The following DST variants were observed in gnomAD, a reference collection of about 807,000 sequenced individuals.
DST encodes bullous pemphigoid antigen.
In DST, 253 loss-of-function variants were observed where a neutral mutation model predicts 875.2. That is an observed-to-expected ratio of 0.29 (90% confidence interval 0.26 to 0.32). DST has a LOEUF of 0.32. DST is among the 10% of genes least tolerant of loss of function. DST has a pLI of 1.00. For missense variants in DST, 8,287 were observed against 9,111.6 expected, an observed-to-expected ratio of 0.91 and a Z score of 3.68; for synonymous variants, 3,124 against 3,197.1, an observed-to-expected ratio of 0.98 and a Z score of 0.77.
At chr6:56,879,442 C>G (rs13199233) in intron 3 of DST, among the ~76,000 whole-genome samples, 39,887 of 151,446 alleles carry the variant, frequency 0.26, 6,306 homozygotes, top group African/African-American at 0.45. Flanking sequence ...CTGCACTCCA[C>G]CCTGGGAGAC....
intron 31 of DST, 73 bp from the exon 32 acceptor site, chr6:56,629,516 T>G: frequency 8.8e-7 from 1 of 1,138,690 alleles, no homozygotes; most frequent in Non-Finnish European, 1.3e-6. Flanking sequence ...TTTACCTAAT[T>G]TTACAATTTA....
intron 61 of DST, among the ~76,000 whole-genome samples, chr6:56,550,148 A>G (rs1008566410): frequency 3.3e-5 from 5 of 152,212 alleles, no homozygotes; most frequent in Admixed American, 2.0e-4. Flanking sequence ...AAATGGAATT[A>G]GTGGTTGTGT....
In DST at chr6:56,609,053, G is replaced by A; in HGVS notation, c.5575C>T (p.Leu1859=). The A allele has an allele frequency of 6.2e-7, 1 of 1,613,852 alleles. No homozygotes were observed. ...SPTTIPVLDA[L]AQSMITESMA... is the part of the protein sequence containing the mutation. ...GATTCTGTTATCATGCTTTGAGCTA[G>A]AGCATCCAGTACTGGAATTGTGGTA... The change falls in exon 40 of 104, where the codon CTA becomes TTA. Residue 1859 remains leucine (L), a synonymous_variant. Coordinates refer to ENST00000680361, the MANE Select transcript of DST (RefSeq NM_001374736.1).
Position 56,868,515 on chromosome 6 carries a change from A to C in DST, c.418-16911T>G, listed in dbSNP as rs1775357420. Among the ~76,000 whole-genome samples, 3 of 152,344 alleles carry C rather than the reference A, an allele frequency of 2.0e-5. No homozygotes were observed. In the East Asian group the frequency reaches 5.8e-4, roughly 29 times the overall value. ...ATATTGTGTATTGAGTAGCACATGT[A>C]AGAAAACAGAAAATACCCTCTCCCA... On this transcript the variant is annotated intron_variant, in intron 3 of 103. Coordinates refer to ENST00000680361, the MANE Select transcript of DST (RefSeq NM_001374736.1).
At chr6:56,892,352 C>G (rs1788002593) in intron 3 of DST, among the ~76,000 whole-genome samples, 1 of 131,702 alleles carries the variant, frequency 7.6e-6, no homozygotes, top group African/African-American at 3.0e-5. Flanking sequence ...CAGACAGTGT[C>G]TTGCTCTGTC....
At chr6:56,944,079 T>C (rs558729273) in intron 2 of DST, among the ~76,000 whole-genome samples, 109 of 152,262 alleles carry the variant, frequency 7.2e-4, no homozygotes, top group Non-Finnish European at 1.3e-3. Flanking sequence ...ATCACGCCAC[T>C]GTACTCCAGC....
At chr6:56,783,942 T>A (rs1341978579) in intron 4 of DST, among the ~76,000 whole-genome samples, 2 of 152,180 alleles carry the variant, frequency 1.3e-5, no homozygotes, top group Non-Finnish European at 2.9e-5. Flanking sequence ...TCTCTCAGCA[T>A]TTGCTTGTCT....
chr6:56,552,610 C>T lies in DST; in HGVS notation c.16182G>A (p.Met5394Ile), dbSNP rs1388322466. 1 of 1,613,948 alleles carries T rather than the reference C, an allele frequency of 6.2e-7. No individual in the cohort carries two copies. Among genetic ancestry groups the T allele is most frequent in the East Asian group, 2.2e-5 (1 of 44,890 alleles). The change falls in exon 61 of 104, where the codon ATG (methionine) becomes ATA (isoleucine). Residue 5394 changes from methionine to isoleucine, a missense_variant. Physicochemically the swap from Met to Ile is conservative, Grantham distance 10. Coordinates refer to ENST00000680361, the MANE Select transcript of DST (RefSeq NM_001374736.1). ...CATCAAACTCTGCGAACTGAGAAAA[C>T]ATTTCTCGAATGGTATTCTGGAAAT... ...IGHFQNTIRE[M>I]FSQFAEFDDE...
At chr6:56,626,606 T>C (rs1266567391) in intron 34 of DST, among the ~76,000 whole-genome samples, 4 of 152,150 alleles carry the variant, frequency 2.6e-5, no homozygotes, top group Non-Finnish European at 5.9e-5. Context: ...ATATATCCCC[T>C]TTGCTAAACA....
intron 5 of DST, among the ~76,000 whole-genome samples, chr6:56,715,003 T>C (rs1451789801): frequency 2.6e-5 from 4 of 152,232 alleles, no homozygotes; most frequent in Non-Finnish European, 5.9e-5. Flanking sequence ...GCCCTGTCTT[T>C]GGTCCTCACT....
rs1319098747 is a variant in DST at position 56,608,805 on chromosome 6, C to T, written c.5823G>A (p.Gln1941=). 6.2e-7 allele frequency: 1 copy of T among 1,610,712 alleles called. No homozygotes were observed. Among genetic ancestry groups the T allele is most frequent in the South Asian group, 1.1e-5 (1 of 90,666 alleles). ...GTAGAAGCCACATCCCTGTGTTTTC[C>T]TGTAAAGTACTTCTTTGTACCATAT... ...LIDMVQRSTL[Q]ENTGMWLLPV... The change falls in exon 40 of 104, where the codon CAG becomes CAA. Residue 1941 remains glutamine (Q), a synonymous_variant. Transcript: ENST00000680361.
chr6:56,692,511 T>C (rs1338775405), intron 9 of DST: 9 of 1,289,848 alleles, frequency 7.0e-6, no homozygotes, highest in Admixed American at 4.6e-5. Context: ...TTTGCTTTTC[T>C]TGAATACTGC....
In DST at chr6:56,703,613, G is replaced by A. The variant is rs553217904; in HGVS notation, c.876+35C>T. On this transcript the variant is annotated intron_variant, in intron 7 of 103. Coordinates refer to ENST00000680361, the MANE Select transcript of DST (RefSeq NM_001374736.1). ...AGGTTAGCGCTCACCGCATGGGAAC[G>A]GCTAGGTTAGTCAAGTTATGGGGGC... The A allele has an allele frequency of 3.8e-5, 32 of 849,344 alleles. No individual in the cohort carries two copies. The Middle Eastern group carries it at 1.8e-3, about 48-fold the overall frequency. 52.6% of individuals were successfully genotyped at this position (849,344 alleles called of 1,614,324 possible).
intron 9 of DST, chr6:56,692,630 T>C: frequency 7.8e-7 from 1 of 1,289,722 alleles, no homozygotes; most frequent in South Asian, 1.2e-5. Flanking sequence ...AAAACATCAG[T>C]TTTTTCCTGG....
In DST at chr6:56,714,003, G is replaced by T. The variant is rs2099386706; in HGVS notation, c.688-9634C>A. On this transcript the variant is annotated intron_variant, in intron 5 of 103. Coordinates refer to ENST00000680361, the MANE Select transcript of DST (RefSeq NM_001374736.1). This position sits in a 1 kb window ranked among gnomAD's most constrained non-coding sequence, Gnocchi z 4.5. ...ATTATGATCAAGACAACTGACAAAA[G>T]GAGAGGAACACTAAAACTATTTTTA... Among the ~76,000 whole-genome samples, 1 of 152,142 alleles carries T rather than the reference G, an allele frequency of 6.6e-6. No individual in the cohort carries two copies. The highest frequency in any genetic ancestry group is 1.5e-5 in the Non-Finnish European group (1 of 68,034).
At chr6:56,836,952 T>C (rs1190530417) in intron 4 of DST, among the ~76,000 whole-genome samples, 1 of 152,016 alleles carries the variant, frequency 6.6e-6, no homozygotes, top group Non-Finnish European at 1.5e-5. Context: ...ATTGAAAGTT[T>C]TTTCACCATA....
intron 36 of DST, chr6:56,620,388 G>C: frequency 1.2e-6 from 2 of 1,614,028 alleles, no homozygotes. Flanking sequence ...TGCCTCACCC[G>C]CTCCAGTTCT....
intron 86 of DST, among the ~76,000 whole-genome samples, chr6:56,488,361 G>C (rs35671304): frequency 0.31 from 47,498 of 152,014 alleles, 7,782 homozygotes; most frequent in Middle Eastern, 0.44. Context: ...CCACATTCAA[G>C]TTCAAATAAA....
chr6:56,550,236 T>G (rs142257546), intron 61 of DST, among the ~76,000 whole-genome samples: 1,547 of 152,276 alleles, frequency 0.01, 29 homozygotes, highest in African/African-American at 0.034. Flanking sequence ...TTTGTCTACT[T>G]GAAAACTTTT....
Sources: gnomAD v4.1 joint callset for allele counts (sites outside exome capture counted in the v4.1 genomes callset) on GRCh38, gnomAD v4.1.1 for gene constraint, Gnocchi (gnomAD v3.1) non-coding constraint, MANE v1.5 for transcripts, NCBI Gene and HGNC (gene_info 2026-07-23, HGNC 2026-07-21) for gene names.